The following PHOX2B variants were observed in gnomAD, a reference collection of about 807,000 sequenced individuals.
The protein encoded by PHOX2B is paired like homeobox 2B.
A neutral mutation model predicts 15.5 loss-of-function variants in PHOX2B; 1 was observed. The ratio of observed to expected loss-of-function variants is 0.06; its 90% confidence interval spans 0.02 to 0.31. The LOEUF (loss-of-function observed/expected upper bound fraction) is 0.31. Among genes scored for constraint, PHOX2B ranks in the 10% least tolerant of loss-of-function variants. The pLI is 1.00. For synonymous variants in PHOX2B, 206 were observed against 190.5 expected (o/e 1.08, Z -0.67); for missense variants, 314 against 436.4 (o/e 0.72, Z 2.50).
chr4:41,745,092 C>T lies in PHOX2B; in HGVS notation c.*715G>A. On this transcript the variant is annotated 3_prime_UTR_variant, in exon 3 of 3. Coordinates refer to ENST00000226382, the MANE Select transcript of PHOX2B (RefSeq NM_003924.4). This position sits in a 1 kb window ranked among gnomAD's most constrained non-coding sequence, Gnocchi z 4.0. ...CAAGTCGTCGCCGCAGTGACCCGAA[C>T]CCAAGGACACGATAGGAAGGGGGGC... The T allele has an allele frequency of 4.3e-6, 1 of 232,728 alleles. No individual in the cohort carries two copies. The highest frequency in any genetic ancestry group is 2.2e-5 in the African/African-American group (1 of 45,200). 14.4% of individuals were successfully genotyped at this position (232,728 alleles called of 1,614,324 possible). A position where few individuals can be genotyped will look rare whatever the true frequency, so the allele number is the denominator to read the frequency against.
Position 41,748,381 on chromosome 4 carries a change from G to T in PHOX2B, c.230C>A (p.Pro77Gln). 6.2e-7 allele frequency: 1 copy of T among 1,614,158 alleles called. No individual in the cohort carries two copies. The highest frequency in any genetic ancestry group is 1.3e-5 in the African/African-American group (1 of 75,050). Reference sequence around the variant, plus strand: ...CTGAAGGTCCTTACCTGCGGCGTACGGACTGCTCTGGTGGTCCCTGAGGGT... The same window carrying T: ...CTGAAGGTCCTTACCTGCGGCGTACTGACTGCTCTGGTGGTCCCTGAGGGT... ...LGTLRDHQSS[P>Q]YAAVPYKLFT... The change falls in exon 1 of 3, where the codon CCG becomes CAG. Residue 77 changes from proline to glutamine, a missense_variant. Physicochemically the swap from Pro to Gln is moderately conservative, Grantham distance 76. Coordinates refer to ENST00000226382, the MANE Select transcript of PHOX2B (RefSeq NM_003924.4).
In PHOX2B at chr4:41,745,899, C is replaced by T. The variant is rs372671435; in HGVS notation, c.853G>A (p.Asp285Asn). ...PGPGPITSIP[D>N]SLGGPFASVL... ...CTGGCGAAGGGACCCCCAAGCGAAT[C>T]CGGGATGGAGGTGATGGGGCCGGGG... Residue 285 changes from aspartate (D) to asparagine (N), a missense_variant, in exon 3 of 3, where the codon GAT (aspartate) becomes AAT (asparagine). Coordinates refer to ENST00000226382, the MANE Select transcript of PHOX2B (RefSeq NM_003924.4). The surrounding 1 kb of genome is among the most constrained non-coding windows in gnomAD (Gnocchi z 4.0). 1 of 1,607,688 alleles carries T rather than the reference C, an allele frequency of 6.2e-7. No individual in the cohort carries two copies. Among genetic ancestry groups the T allele is most frequent in the South Asian group, 1.1e-5 (1 of 90,494 alleles).
In PHOX2B at chr4:41,746,281, C is replaced by A; in HGVS notation, c.471G>T (p.Glu157Asp). The A allele has an allele frequency of 1.2e-6, 2 of 1,613,956 alleles. No individual in the cohort carries two copies. Among genetic ancestry groups the A allele is most frequent in the Non-Finnish European group, 1.7e-6 (2 of 1,179,918 alleles). The change falls in exon 3 of 3, where the codon GAG becomes GAT. Residue 157 changes from glutamate to aspartate, a missense_variant. By Grantham distance (45) the Glu-to-Asp change is conservative. Around this residue, in one of 7 missense-constraint regions of PHOX2B, gnomAD observed 10 missense variants for 16.5 expected, o/e 0.61. Coordinates refer to ENST00000226382, the MANE Select transcript of PHOX2B (RefSeq NM_003924.4). ...CGGCCGCTGCGGCTGCCGCTGCGCG[C>A]TCCTGCTTGCGAAACTTGGCGCGGC... is the stretch of plus-strand genomic sequence containing the variant. ...QNRRAKFRKQERAAAAAAAAA... is the reference protein window; with the variant it reads ...QNRRAKFRKQDRAAAAAAAAA...
Position 41,746,134 on chromosome 4 carries a change from G to A in PHOX2B, c.618C>T (p.Pro206=). The A allele has an allele frequency of 6.2e-7, 1 of 1,602,732 alleles. No individual in the cohort carries two copies. Among genetic ancestry groups the A allele is most frequent in the African/African-American group, 1.3e-5 (1 of 74,334 alleles). The change falls in exon 3 of 3, where the codon CCC becomes CCT. Residue 206 remains proline, a synonymous_variant. Transcript: ENST00000226382. ...GGPGPNPNPT[P]SCGANGGGGG... ...CGCCGCCTCCATTCGCCCCGCAGCT[G>A]GGGGTGGGGTTGGGATTGGGACCTG...
rs768798757 is a variant in PHOX2B at position 41,745,784 on chromosome 4, C to T, written c.*23G>A. The T allele has an allele frequency of 8.8e-6, 14 of 1,595,274 alleles. No individual in the cohort carries two copies. The highest frequency in any genetic ancestry group is 1.2e-5 in the Non-Finnish European group (14 of 1,172,350). On this transcript the variant is annotated 3_prime_UTR_variant, in exon 3 of 3. Coordinates refer to ENST00000226382, the MANE Select transcript of PHOX2B (RefSeq NM_003924.4). This position sits in a 1 kb window ranked among gnomAD's most constrained non-coding sequence, Gnocchi z 4.0. ...CTGGCTCGCCCGCTGTCGCCGCCGCCGCCGCCGCCGCAGGATTCCAGATCA... is the reference window on the plus strand; with the variant it reads ...CTGGCTCGCCCGCTGTCGCCGCCGCTGCCGCCGCCGCAGGATTCCAGATCA...
At chr4:41,747,288 C>G (rs1358006278) in intron 2 of PHOX2B, 61 bp downstream of exon 2, 59 of 1,425,566 alleles carry the variant, frequency 4.1e-5, no homozygotes, top group Non-Finnish European at 5.4e-5. Context: ...CCAGCCGCCC[C>G]TCACCCCACA....
rs1371566765 is a variant in PHOX2B at position 41,744,499 on chromosome 4, A to C, written c.*1308T>G. The C allele has an allele frequency of 4.3e-6, 1 of 233,038 alleles. No individual in the cohort carries two copies. The highest frequency in any genetic ancestry group is 8.5e-6 in the Non-Finnish European group (1 of 117,716). The allele number at this position is 233,038 out of a possible 1,614,324, so 14.4% of individuals were successfully genotyped here. On this transcript the variant is annotated 3_prime_UTR_variant, in exon 3 of 3. Transcript: ENST00000226382. ...AGAACACAGTTGTAGAAAGACACCG[A>C]AAAAGTTAAAGCCTCAACATTCAAC...
intron 1 of PHOX2B, 56 bp from the exon 2 acceptor site, chr4:41,747,592 C>G: frequency 1.4e-6 from 2 of 1,471,512 alleles, no homozygotes; most frequent in Non-Finnish European, 1.9e-6. Flanking sequence ...GCTCGCCGGC[C>G]GTGGAGCTAG....
intron 1 of PHOX2B, 95 bp from the exon 2 acceptor site, chr4:41,747,631 C>A: frequency 4.9e-6 from 5 of 1,020,664 alleles, no homozygotes; most frequent in East Asian, 2.4e-5. Context: ...TCAGGTCATA[C>A]GGCAGCCGCT....
chr4:41,747,314 G>A, intron 2 of PHOX2B, 35 bp downstream of exon 2: 1 of 1,572,192 alleles, frequency 6.4e-7, no homozygotes, highest in Non-Finnish European at 8.7e-7. Flanking sequence ...CCGGACCAGT[G>A]CGGCGGAGCG....
rs779924196 is a variant in PHOX2B at position 41,745,961 on chromosome 4, G to C, written c.791C>G (p.Ala264Gly). 2.8e-6 allele frequency: 4 copies of C among 1,412,656 alleles called. No homozygotes were observed. Among genetic ancestry groups the C allele is most frequent in the Admixed American group, 2.3e-5 (1 of 42,684 alleles). 87.5% of individuals were successfully genotyped at this position (1,412,656 alleles called of 1,614,324 possible). A position where few individuals can be genotyped will look rare whatever the true frequency, so the allele number is the denominator to read the frequency against. The change falls in exon 3 of 3, where the codon GCT (alanine) becomes GGT (glycine). Residue 264 changes from alanine to glycine, a missense_variant. Physicochemically the swap from Ala to Gly is moderately conservative, Grantham distance 60. Coordinates refer to ENST00000226382, the MANE Select transcript of PHOX2B (RefSeq NM_003924.4). The surrounding 1 kb of genome is among the most constrained non-coding windows in gnomAD (Gnocchi z 4.0). ...AAAAAAAGGL[A>G]AAGGPGQGWA... ...GCCTTGTCCAGGGCCCCCAGCCGCA[G>C]CCAGGCCTCCAGCTGCCGCCGCTGC...
rs761010146 is a variant in PHOX2B, at chr4:41,745,986, C to T, written c.766G>A (p.Ala256Thr). The T allele has an allele frequency of 8.0e-7, 1 of 1,242,568 alleles. No individual in the cohort carries two copies. Among genetic ancestry groups the T allele is most frequent in the South Asian group, 3.5e-5 (1 of 28,736 alleles). The allele number at this position is 1,242,568 out of a possible 1,614,324, so 77.0% of individuals were successfully genotyped here. A position where few individuals can be genotyped will look rare whatever the true frequency, so the allele number is the denominator to read the frequency against. ...AAAAAAAAAA[A>T]AAAAGGLAAA... ...GCCAGGCCTCCAGCTGCCGCCGCTG[C>T]CGCTGCCGCCGCCGCCGCTGCCGCG... The change falls in exon 3 of 3, where the codon GCA becomes ACA. Residue 256 changes from alanine to threonine, a missense_variant. Physicochemically the swap from Ala to Thr is moderately conservative, Grantham distance 58. Coordinates refer to ENST00000226382, the MANE Select transcript of PHOX2B (RefSeq NM_003924.4). The surrounding 1 kb of genome is among the most constrained non-coding windows in gnomAD (Gnocchi z 4.0).
chr4:41,748,429 G>C lies in PHOX2B; in HGVS notation c.182C>G (p.Thr61Arg). The C allele has an allele frequency of 6.2e-7, 1 of 1,614,032 alleles. No individual in the cohort carries two copies. The highest frequency in any genetic ancestry group is 8.5e-7 in the Non-Finnish European group (1 of 1,179,904). The stretch of plus-strand genomic sequence containing the variant: ...GGTGCCCAGGCTGCAGGATCCCGGC[G>C]TGAGGGAAGGGCAGCCGGACGTGGC... ...FGATSGCPSL[T>R]PGSCSLGTLR... The change falls in exon 1 of 3, where the codon ACG becomes AGG. Residue 61 changes from threonine (T) to arginine (R), a missense_variant. Transcript: ENST00000226382.
intron 2 of PHOX2B, among the ~76,000 whole-genome samples, chr4:41,746,723 TC>T (rs1733912635): frequency 5.4e-5 from 3 of 55,650 alleles, no homozygotes; most frequent in Admixed American, 2.4e-4. Context: ...AAAGGGATCC[TC>T]TCTGGGTTTG....
At position 41,744,948 on chromosome 4, in the gene PHOX2B, C is replaced by A. The variant is rs752221055; in HGVS notation, c.*859G>T. The A allele has an allele frequency of 5.1e-5, 12 of 233,130 alleles. No individual in the cohort carries two copies. The highest frequency in any genetic ancestry group is 7.6e-5 in the Non-Finnish European group (9 of 118,054). 14.4% of individuals were successfully genotyped at this position (233,130 alleles called of 1,614,324 possible). On this transcript the variant is annotated 3_prime_UTR_variant, in exon 3 of 3. Transcript: ENST00000226382. ...TCAGGGCCGAACGGCTGCAAAGATT[C>A]GGGGTTGGGAGTTGCAACTGTGTGG...
rs1733832571 is a variant in PHOX2B, at chr4:41,744,869, G to C, written c.*938C>G. 4.3e-6 allele frequency: 1 copy of C among 233,564 alleles called. No homozygotes were observed. The highest frequency in any genetic ancestry group is 8.5e-6 in the Non-Finnish European group (1 of 118,076). The allele number at this position is 233,564 out of a possible 1,614,324, so 14.5% of individuals were successfully genotyped here. ...GGAAAAAAAGAGTTGCGAAACATGA[G>C]ACACATTTTGCAGAGTTTGCAGATG... is the stretch of plus-strand genomic sequence containing the variant. On this transcript the variant is annotated 3_prime_UTR_variant, in exon 3 of 3. Transcript: ENST00000226382.
intron 2 of PHOX2B, among the ~76,000 whole-genome samples, chr4:41,747,107 G>A (rs1733925468): frequency 6.6e-6 from 1 of 152,180 alleles, no homozygotes; most frequent in Non-Finnish European, 1.5e-5. Context: ...CACGTCCCAA[G>A]GCCCCCCATG....
intron 1 of PHOX2B, among the ~76,000 whole-genome samples, chr4:41,748,057 T>G (rs369060801): frequency 6.6e-6 from 1 of 152,224 alleles, no homozygotes; most frequent in Non-Finnish European, 1.5e-5. Flanking sequence ...ACACTGCCAG[T>G]AATGAGCTTT....
intron 2 of PHOX2B, among the ~76,000 whole-genome samples, chr4:41,746,772 C>T (rs1206464988): frequency 1.6e-4 from 25 of 152,224 alleles, no homozygotes; most frequent in Admixed American, 1.6e-3. Context: ...CCTGGAAGAG[C>T]GTGCGATGGT....
Sources: gnomAD v4.1 joint callset for allele counts (sites outside exome capture counted in the v4.1 genomes callset) on GRCh38, gnomAD v4.1.1 for gene constraint, gnomAD v4.1.1 regional missense constraint, Gnocchi (gnomAD v3.1) non-coding constraint, MANE v1.5 for transcripts, NCBI Gene and HGNC (gene_info 2026-07-23, HGNC 2026-07-21) for gene names.